The following CSMD1 variants were observed in gnomAD, a reference collection of about 807,000 sequenced individuals.
CSMD1 encodes CUB and sushi domain-containing protein 1.
CSMD1 carries 213 observed loss-of-function variants against 417.5 expected under a neutral mutation model. That is an observed-to-expected ratio of 0.51 (90% CI 0.46 to 0.57). CSMD1 has a LOEUF of 0.57. CSMD1 is among the 20% of genes least tolerant of loss of function. The pLI, the probability that CSMD1 is intolerant of heterozygous loss-of-function variation, is 0.00. For missense variants in CSMD1, 6,923 were observed against 4,529.7 expected (o/e 1.53, Z -15.17); for synonymous variants, 2,862 against 1,736.8 (o/e 1.65, Z -16.11).
At chr8:3,295,681 C>T (rs77323102) in intron 25 of CSMD1, among the ~76,000 whole-genome samples, 5,658 of 152,164 alleles carry the variant, frequency 0.037, 173 homozygotes, top group Admixed American at 0.089. Flanking sequence ...TGCTTTGGTC[C>T]AGGGTAATGT....
In CSMD1 at chr8:3,315,241, C is replaced by G. The variant is rs567603992; in HGVS notation, c.3632-6738G>C. Reference sequence around the variant, plus strand: ...AAAACTTAATATTGCTTTTTATTAACTCTATTTGGATTCATCTGAATAGGA... The same window carrying G: ...AAAACTTAATATTGCTTTTTATTAAGTCTATTTGGATTCATCTGAATAGGA... On this transcript the variant is annotated intron_variant, in intron 23 of 69. Coordinates refer to ENST00000635120, the MANE Select transcript of CSMD1 (RefSeq NM_033225.6). Among the ~76,000 whole-genome samples the G allele has an allele frequency of 9.9e-5, 15 of 152,242 alleles. No individual in the cohort carries two copies. The East Asian group carries it at 2.9e-3, about 29-fold the overall frequency.
chr8:4,419,774 G>A (rs1797142651), intron 3 of CSMD1, among the ~76,000 whole-genome samples, 179 bp downstream of exon 3: 1 of 152,126 alleles, frequency 6.6e-6, no homozygotes, highest in African/African-American at 2.4e-5. Flanking sequence ...GTTTTGGGCT[G>A]GAAAGTTTGG....
At chr8:3,745,670 G>C (rs1345290706) in intron 6 of CSMD1, among the ~76,000 whole-genome samples, 2 of 152,192 alleles carry the variant, frequency 1.3e-5, no homozygotes, top group South Asian at 2.1e-4. Flanking sequence ...TGAATCCCCG[G>C]GGAAGTCAGG....
rs117661035 is a variant in CSMD1, at chr8:4,320,117, G to A, written c.415+99836C>T. On this transcript the variant is annotated intron_variant, in intron 3 of 69. Transcript: ENST00000635120. ...TTCAAAAAAATCCAACCCTTTGCAA[G>A]TAATTTAACTGTGTAACAGAACAAA... Among the ~76,000 whole-genome samples the A allele has an allele frequency of 8.5e-5, 13 of 152,282 alleles. No homozygotes were observed. The East Asian group carries it at 2.1e-3, about 25-fold the overall frequency.
intron 7 of CSMD1, among the ~76,000 whole-genome samples, chr8:3,692,295 C>A (rs573961307): frequency 1.3e-4 from 20 of 152,228 alleles, no homozygotes; most frequent in Admixed American, 1.2e-3. Context: ...TTGTATACAC[C>A]CCACTGAACT....
intron 25 of CSMD1, among the ~76,000 whole-genome samples, chr8:3,304,051 G>A (rs1272348094): frequency 6.6e-6 from 1 of 152,086 alleles, no homozygotes; most frequent in Non-Finnish European, 1.5e-5. Context: ...ATGTAGCTCT[G>A]CAATAATTGG....
At chr8:3,373,860 G>C (rs755223957) in intron 18 of CSMD1, 13 of 152,104 alleles carry the variant, frequency 8.5e-5, no homozygotes, top group South Asian at 2.1e-4. Flanking sequence ...CTTTTGGATG[G>C]AGGACTAAGA....
intron 2 of CSMD1, among the ~76,000 whole-genome samples, chr8:4,629,498 G>C (rs1036644032): frequency 1.3e-5 from 2 of 152,104 alleles, no homozygotes; most frequent in Non-Finnish European, 2.9e-5. Context: ...CTCTAGAAGT[G>C]CATCTTACAA....
intron 7 of CSMD1, among the ~76,000 whole-genome samples, chr8:3,688,987 C>T (rs770327210): frequency 4.6e-5 from 7 of 152,046 alleles, no homozygotes; most frequent in South Asian, 2.1e-4. Flanking sequence ...ACTTCACTTT[C>T]GAGGCTCTGC....
intron 40 of CSMD1, among the ~76,000 whole-genome samples, chr8:3,147,274 T>A (rs1257326317): frequency 6.6e-6 from 1 of 152,240 alleles, no homozygotes; most frequent in Admixed American, 6.5e-5. Context: ...TGTTTCATAC[T>A]CAATAATCTT....
intron 5 of CSMD1, among the ~76,000 whole-genome samples, chr8:3,883,502 T>C (rs531048993): frequency 6.6e-6 from 1 of 152,304 alleles, no homozygotes; most frequent in African/African-American, 2.4e-5. Flanking sequence ...ACCTTTTCAC[T>C]GCTCCTTTAA....
rs191088892 is a variant in CSMD1 at position 3,949,843 on chromosome 8, G to A, written c.818+48060C>T. On this transcript the variant is annotated intron_variant, in intron 5 of 69. Transcript: ENST00000635120. The stretch of plus-strand genomic sequence containing the variant: ...CCTGCTTCCATCTTTCATTGATTGA[G>A]GGGATCCCTGGGGACATGGCCTCCT... The A allele has an allele frequency of 3.4e-4, 153 of 450,940 alleles. 1 individual carries two copies. In the East Asian group the frequency reaches 8.0e-3, roughly 24 times the overall value. 27.9% of individuals were successfully genotyped at this position (450,940 alleles called of 1,614,324 possible).
At chr8:3,273,121 A>T (rs78777401) in intron 26 of CSMD1, among the ~76,000 whole-genome samples, 40,884 of 150,710 alleles carry the variant, frequency 0.27, 5,753 homozygotes, top group African/African-American at 0.34. Flanking sequence ...TACCTTATTT[A>T]TTGAGAGTTT....
intron 2 of CSMD1, among the ~76,000 whole-genome samples, chr8:4,520,417 G>C (rs1383483522): frequency 1.3e-5 from 2 of 152,106 alleles, no homozygotes; most frequent in Non-Finnish European, 2.9e-5. Flanking sequence ...GCAAAATCAT[G>C]TCTTTCATAG....
chr8:3,218,578 G>A (rs1368322609), intron 29 of CSMD1, among the ~76,000 whole-genome samples: 155 of 119,128 alleles, frequency 1.3e-3, no homozygotes, highest in Middle Eastern at 9.6e-3. Context: ...AAAAAAAAAA[G>A]AAATTATTTT....
intron 2 of CSMD1, among the ~76,000 whole-genome samples, chr8:4,489,810 A>G (rs1020483850): frequency 6.4e-4 from 97 of 152,308 alleles, no homozygotes; most frequent in African/African-American, 2.2e-3. Context: ...AGAGGAGAAC[A>G]TAGTCAGGCT....
At chr8:2,967,541 T>C (rs1286138906) in intron 57 of CSMD1, among the ~76,000 whole-genome samples, 5 of 152,066 alleles carry the variant, frequency 3.3e-5, no homozygotes, top group Non-Finnish European at 5.9e-5. Context: ...CTTTTTTTTT[T>C]CCCTTTTTTA....
chr8:3,854,960 A>C (rs980929856), intron 5 of CSMD1, among the ~76,000 whole-genome samples: 1 of 151,562 alleles, frequency 6.6e-6, no homozygotes, highest in African/African-American at 2.4e-5. Context: ...GGAAAAACAT[A>C]GCATACATAC....
At chr8:4,409,484 A>G (rs1025088217) in intron 3 of CSMD1, among the ~76,000 whole-genome samples, 3 of 152,154 alleles carry the variant, frequency 2.0e-5, no homozygotes, top group Non-Finnish European at 4.4e-5. Context: ...ACCTAAGTTG[A>G]TATTTGAGAA....
Sources: allele counts gnomAD v4.1 joint callset (sites outside exome capture counted in the v4.1 genomes callset), GRCh38; gene constraint gnomAD v4.1.1; transcripts MANE v1.5; gene names NCBI Gene and HGNC (gene_info 2026-07-23, HGNC 2026-07-21).